The following SH3YL1 variants were observed in gnomAD, a reference collection of about 807,000 sequenced individuals.
SH3YL1 encodes the protein SH3 domain-containing YSC84-like protein 1.
A neutral mutation model predicts 45.8 loss-of-function variants in SH3YL1; 41 were observed. That is an observed-to-expected ratio of 0.89 (90% CI 0.70 to 1.16). The LOEUF (loss-of-function observed/expected upper bound fraction) is 1.16, where lower values mean the gene tolerates loss of function less well. Among genes scored for constraint, SH3YL1 ranks in the 50% most tolerant of loss-of-function variants. The pLI is 0.00. For synonymous variants in SH3YL1, 152 were observed against 151.4 expected, an observed-to-expected ratio of 1.00 and a Z score of -0.03; for missense variants, 389 against 409.6, an observed-to-expected ratio of 0.95 and a Z score of 0.43.
At chr2:260,976 T>C (rs1251996744) in intron 1 of SH3YL1, 2 of 152,232 alleles carry the variant, frequency 1.3e-5, no homozygotes, top group African/African-American at 4.8e-5. Flanking sequence ...AGACTCATCC[T>C]AGACACAGCT....
In SH3YL1 at chr2:234,192, C is replaced by G. The variant is rs1187652936; in HGVS notation, c.372G>C (p.Gly124=). ...FAKGGNLTLG[G]NLTVAVGPLG... is the part of the protein sequence containing the mutation. ...AGGGCCCAACCGCCACAGTCAAGTT[C>G]CCTCCGAGGGTCAGATTTCCGCCTT... The change falls in exon 5 of 10, where the codon GGG becomes GGC. Residue 124 remains glycine (G), a synonymous_variant. Transcript: ENST00000356150. 1 of 1,614,116 alleles carries G rather than the reference C, an allele frequency of 6.2e-7. No homozygotes were observed. The highest frequency in any genetic ancestry group is 1.1e-5 in the South Asian group (1 of 91,068).
At chr2:254,452 TCTCACTGTCTA>T (rs1669218019) in intron 1 of SH3YL1, among the ~76,000 whole-genome samples, 1 of 152,226 alleles carries the variant, frequency 6.6e-6, no homozygotes, top group African/African-American at 2.4e-5. Flanking sequence ...GAAGTTCTTG[TCTCACTGTCTA>T]CAATTAGGAG....
At chr2:243,366 G>A in intron 4 of SH3YL1, 3 of 859,472 alleles carry the variant, frequency 3.5e-6, no homozygotes, top group African/African-American at 1.7e-5. Flanking sequence ...TGAAATCAAG[G>A]ACAAGATAAA....
intron 5 of SH3YL1, among the ~76,000 whole-genome samples, chr2:233,733 G>GAAGAA (rs1158609628): frequency 6.6e-6 from 1 of 151,986 alleles, no homozygotes; most frequent in African/African-American, 2.4e-5. Flanking sequence ...CATTAATAGA[G>GAAGAA]AAGAAAAATA....
chr2:259,599 A>G (rs1669502588), intron 1 of SH3YL1: 1 of 152,064 alleles, frequency 6.6e-6, no homozygotes, highest in South Asian at 2.1e-4. Flanking sequence ...CCCAGCCTTG[A>G]CAGAACCTGT....
intron 9 of SH3YL1, among the ~76,000 whole-genome samples, chr2:222,025 A>G (rs531281681): frequency 7.9e-5 from 12 of 152,208 alleles, no homozygotes; most frequent in Non-Finnish European, 1.3e-4. Flanking sequence ...ATGAAGAAAA[A>G]CCTTCCTGGT....
intron 6 of SH3YL1, among the ~76,000 whole-genome samples, chr2:231,685 A>G (rs1295431369): frequency 1.3e-5 from 2 of 152,182 alleles, no homozygotes; most frequent in Non-Finnish European, 2.9e-5. Flanking sequence ...ATTAAGCAAC[A>G]TATTTGTTTT....
intron 2 of SH3YL1, 60 bp from the exon 3 acceptor site, chr2:249,904 A>G (rs974594351): frequency 2.2e-5 from 26 of 1,176,018 alleles, no homozygotes; most frequent in Middle Eastern, 3.8e-4. Context: ...TGGATAGACG[A>G]GCAAGTGTTA....
intron 4 of SH3YL1, chr2:243,440 G>T: frequency 7.0e-7 from 1 of 1,435,070 alleles, no homozygotes; most frequent in African/African-American, 1.5e-5. Context: ...ATGGCTCAAA[G>T]AAGAAATCAC....
rs1344908644 is a variant in SH3YL1 at position 224,950 on chromosome 2, G to T, written c.782-30C>A. 3.2e-6 allele frequency: 5 copies of T among 1,556,758 alleles called. No individual in the cohort carries two copies. The Admixed American group carries it at 8.4e-5, about 26-fold the overall frequency. On this transcript the variant is annotated intron_variant, in intron 8 of 9. Coordinates refer to ENST00000356150, the MANE Select transcript of SH3YL1 (RefSeq NM_015677.4). The stretch of plus-strand genomic sequence containing the variant: ...CAAAAAAGAGGAGAGTGGTGATTTT[G>T]AAAACTGATTAGTATATATCATACA...
At chr2:236,543 G>A (rs1258376882) in intron 4 of SH3YL1, among the ~76,000 whole-genome samples, 1 of 152,152 alleles carries the variant, frequency 6.6e-6, no homozygotes. Flanking sequence ...CCTTTTGCAT[G>A]CTGTGCGACC....
intron 1 of SH3YL1, chr2:263,636 T>G: frequency 7.5e-6 from 2 of 265,128 alleles, no homozygotes; most frequent in Non-Finnish European, 7.2e-6. Context: ...AGCGCGCGCA[T>G]TCGACCCAAA....
chr2:247,235 C>T (rs985141728), intron 4 of SH3YL1, among the ~76,000 whole-genome samples: 40 of 152,172 alleles, frequency 2.6e-4, no homozygotes, highest in African/African-American at 8.7e-4. Context: ...CATGAGCAGT[C>T]CATAAACTGC....
intron 1 of SH3YL1, chr2:260,097 C>G (rs1669524652): frequency 6.6e-6 from 1 of 152,178 alleles, no homozygotes; most frequent in Non-Finnish European, 1.5e-5. Context: ...ATACTACTGT[C>G]TGCATTTTGA....
Position 249,835 on chromosome 2 carries a change from A to G in SH3YL1, c.122T>C (p.Ile41Thr). ...AATTGCAAGGCCTTTAGCCTTCGCA[A>G]TTACGTGAGCTGTTAACGTGGAAAA... ...GPDKIIPAHVIAKAKGLAILS... is the reference protein window; with the variant it reads ...GPDKIIPAHVTAKAKGLAILS... Residue 41 changes from isoleucine (I) to threonine (T), a missense_variant, in exon 3 of 10, where the codon ATT (isoleucine) becomes ACT (threonine). Physicochemically the swap from Ile to Thr is moderately conservative, Grantham distance 89 (BLOSUM62 -1). Coordinates refer to ENST00000356150, the MANE Select transcript of SH3YL1 (RefSeq NM_015677.4). 6.4e-7 allele frequency: 1 copy of G among 1,551,242 alleles called. No homozygotes were observed. Among genetic ancestry groups the G allele is most frequent in the Non-Finnish European group, 8.7e-7 (1 of 1,146,242 alleles).
intron 1 of SH3YL1, among the ~76,000 whole-genome samples, chr2:254,442 G>C (rs1197051544): frequency 6.6e-6 from 1 of 152,188 alleles, no homozygotes. Flanking sequence ...CTGAGGCTGA[G>C]AAGTTCTTGT....
At chr2:256,009 G>C (rs1281075221) in intron 1 of SH3YL1, 1 of 152,164 alleles carries the variant, frequency 6.6e-6, no homozygotes, top group Non-Finnish European at 1.5e-5. Flanking sequence ...TACAGGTATA[G>C]CTCAGTGTGC....
At chr2:220,996 G>A (rs1174239869) in intron 9 of SH3YL1, among the ~76,000 whole-genome samples, 3 of 152,128 alleles carry the variant, frequency 2.0e-5, no homozygotes, top group East Asian at 1.9e-4. Flanking sequence ...AACAGCAATC[G>A]ATGTGCATCT....
chr2:261,980 C>G (rs1001925311), intron 1 of SH3YL1, among the ~76,000 whole-genome samples: 1 of 152,140 alleles, frequency 6.6e-6, no homozygotes, highest in Non-Finnish European at 1.5e-5. Flanking sequence ...TGGAGGTTAA[C>G]TCATTAAACT....
Sources: allele counts gnomAD v4.1 joint callset (sites outside exome capture counted in the v4.1 genomes callset), GRCh38; gene constraint gnomAD v4.1.1; transcripts MANE v1.5; gene names NCBI Gene and HGNC (gene_info 2026-07-23, HGNC 2026-07-21).